Variants in EGFR observed in about 807,000 individuals in gnomAD.
EGFR encodes avian erythroblastic leukemia viral (v-erb-b) oncogene homolog.
In EGFR, 58 loss-of-function variants were observed where a neutral mutation model predicts 143.0. The observed-to-expected ratio is 0.41, with a 90% CI of 0.33 to 0.50. The LOEUF (loss-of-function observed/expected upper bound fraction) is 0.50. Among genes scored for constraint, EGFR ranks in the 20% least tolerant of loss-of-function variants. EGFR has a pLI of 0.39. For synonymous variants in EGFR, 613 were observed against 594.4 expected (o/e 1.03, Z -0.45); for missense variants, 1,307 against 1,579.0 (o/e 0.83, Z 2.92).
intron 1 of EGFR, among the ~76,000 whole-genome samples, chr7:55,037,029 T>TGGGTC (rs1157668097): frequency 6.6e-6 from 1 of 152,142 alleles, no homozygotes. Flanking sequence ...AGAGCAAACA[T>TGGGTC]GGGTACTCTT....
chr7:55,170,185 G>A, intron 15 of EGFR: 1 of 1,553,304 alleles, frequency 6.4e-7, no homozygotes, highest in Non-Finnish European at 8.8e-7. Flanking sequence ...ATTAAGAAGA[G>A]CAGTGTAGAG....
At chr7:55,143,281 C>A (rs770449039) in intron 2 of EGFR, 24 bp from the exon 3 acceptor site, 8 of 1,613,500 alleles carry the variant, frequency 5.0e-6, no homozygotes, top group Admixed American at 1.7e-5. Context: ...AGAGAAATCA[C>A]GCATTTATGT....
At position 55,201,184 on chromosome 7, in the gene EGFR, C is replaced by G; in HGVS notation, c.2947-4C>G. ...TTCTAATAGCCTCAAAATCTCTGCA[C>G]CAGGGGGATGAAAGAATGCATTTGC... On this transcript the variant is annotated splice_polypyrimidine_tract_variant and splice_region_variant and intron_variant, in intron 24 of 27. Coordinates refer to ENST00000275493, the MANE Select transcript of EGFR (RefSeq NM_005228.5). 6.2e-7 allele frequency: 1 copy of G among 1,614,164 alleles called. No individual in the cohort carries two copies.
At chr7:55,031,153 G>A (rs1787219991) in intron 1 of EGFR, among the ~76,000 whole-genome samples, 1 of 152,218 alleles carries the variant, frequency 6.6e-6, no homozygotes, top group South Asian at 2.1e-4. Flanking sequence ...TGGATCTCCA[G>A]TTGTTATCTA....
intron 1 of EGFR, among the ~76,000 whole-genome samples, chr7:55,124,484 G>C (rs537937853): frequency 5.3e-5 from 8 of 152,134 alleles, no homozygotes; most frequent in Non-Finnish European, 1.2e-4. Flanking sequence ...GCAACTTATG[G>C]TTGAAAAACT....
At chr7:55,077,258 A>G (rs944237789) in intron 1 of EGFR, among the ~76,000 whole-genome samples, 18 of 152,198 alleles carry the variant, frequency 1.2e-4, no homozygotes, top group Admixed American at 1.2e-3. Flanking sequence ...AAACTGAGAC[A>G]TCAGTGTGCC....
chr7:55,163,963 AC>A, intron 14 of EGFR, 140 bp downstream of exon 14: 3 of 896,148 alleles, frequency 3.3e-6, no homozygotes, highest in Non-Finnish European at 5.5e-6. Flanking sequence ...GCAGGCGCTG[AC>A]AGCGCTGTCC....
At chr7:55,168,650 T>A in intron 15 of EGFR, 1 of 1,462,382 alleles carries the variant, frequency 6.8e-7, no homozygotes, top group Admixed American at 2.0e-5. Flanking sequence ...TGGAATTTTA[T>A]AAATATTTTC....
chr7:55,117,394 G>C (rs532042867), intron 1 of EGFR, among the ~76,000 whole-genome samples: 1 of 152,266 alleles, frequency 6.6e-6, no homozygotes, highest in Non-Finnish European at 1.5e-5. Flanking sequence ...GGGTGGGGGG[G>C]ACCCACACTC....
intron 1 of EGFR, among the ~76,000 whole-genome samples, chr7:55,053,724 C>G (rs1171066882): frequency 6.6e-6 from 1 of 152,246 alleles, no homozygotes; most frequent in Admixed American, 6.5e-5. Context: ...AGGCCCGCAG[C>G]ACTCCGCTCC....
chr7:55,086,943 T>C (rs759169), intron 1 of EGFR, among the ~76,000 whole-genome samples: 134,652 of 152,166 alleles, frequency 0.88, 59,752 homozygotes, highest in East Asian at 0.97. Flanking sequence ...CAACACTATC[T>C]TAATATTTCT....
chr7:55,204,320 C>G (rs1023341048), intron 27 of EGFR, among the ~76,000 whole-genome samples: 1 of 147,344 alleles, frequency 6.8e-6, no homozygotes, highest in Admixed American at 6.8e-5. Flanking sequence ...GCCACACACA[C>G]ACATACACAC....
intron 1 of EGFR, among the ~76,000 whole-genome samples, chr7:55,097,533 G>A (rs1313772513): frequency 6.6e-6 from 1 of 152,204 alleles, no homozygotes; most frequent in Non-Finnish European, 1.5e-5. Context: ...GGCCCTGGGA[G>A]TCCTAACAGT....
intron 22 of EGFR, among the ~76,000 whole-genome samples, chr7:55,194,223 T>G (rs1298549284): frequency 7.3e-6 from 1 of 136,912 alleles, no homozygotes; most frequent in African/African-American, 2.7e-5. Context: ...ATATATTTTT[T>G]AACTTTTTTT....
At chr7:55,162,238 A>T (rs1785744853) in intron 13 of EGFR, among the ~76,000 whole-genome samples, 1 of 152,274 alleles carries the variant, frequency 6.6e-6, no homozygotes, top group African/African-American at 2.4e-5. Flanking sequence ...AAATGAGGAC[A>T]AAACATAAAT....
chr7:55,201,633 C>A (rs1199699816), intron 25 of EGFR, 102 bp from the exon 26 acceptor site: 1 of 1,450,354 alleles, frequency 6.9e-7, no homozygotes, highest in Non-Finnish European at 9.7e-7. Flanking sequence ...AATTAAACAC[C>A]TTCACAATAT....
chr7:55,097,055 T>C (rs187292181), intron 1 of EGFR, among the ~76,000 whole-genome samples: 2 of 152,234 alleles, frequency 1.3e-5, no homozygotes, highest in African/African-American at 4.8e-5. Flanking sequence ...CGAGGCTGCA[T>C]ACCTGTGCTC....
At chr7:55,196,735 T>C (rs1787635686) in intron 22 of EGFR, among the ~76,000 whole-genome samples, 1 of 152,080 alleles carries the variant, frequency 6.6e-6, no homozygotes, top group South Asian at 2.1e-4. Context: ...ATCTTCTTCA[T>C]GGCTAGCTAG....
intron 22 of EGFR, among the ~76,000 whole-genome samples, chr7:55,194,975 A>G (rs778401074): frequency 3.3e-5 from 5 of 152,206 alleles, no homozygotes; most frequent in Non-Finnish European, 5.9e-5. Flanking sequence ...AGTGTGTTGT[A>G]CCAAGGAGCT....
Sources: allele counts gnomAD v4.1 joint callset (sites outside exome capture counted in the v4.1 genomes callset), GRCh38; gene constraint gnomAD v4.1.1; transcripts MANE v1.5; gene names NCBI Gene and HGNC (gene_info 2026-07-23, HGNC 2026-07-21).